Variants in ACAD8 observed in about 807,000 individuals in gnomAD.
The protein encoded by ACAD8 is isobutyryl-CoA dehydrogenase, mitochondrial.
Under a neutral mutation model 53.1 loss-of-function variants are expected in ACAD8, and 47 were observed. The ratio of observed to expected loss-of-function variants is 0.89; its 90% CI spans 0.70 to 1.13. ACAD8 has a LOEUF of 1.13. Ranked by LOEUF, ACAD8 falls within the 50% of genes most tolerant of loss-of-function variation. ACAD8 has a pLI of 0.00. For synonymous variants in ACAD8, 198 were observed against 201.3 expected (o/e 0.98, Z 0.14); for missense variants, 494 against 535.0 (o/e 0.92, Z 0.76).
At chr11:134,262,662 G>T in intron 10 of ACAD8, 40 bp downstream of exon 10, 1 of 1,585,576 alleles carries the variant, frequency 6.3e-7, no homozygotes, top group Admixed American at 1.7e-5. Context: ...CTTCAGAACG[G>T]GGGCGGGATC....
chr11:134,263,522 C>T, intron 10 of ACAD8: 1 of 985,546 alleles, frequency 1.0e-6, no homozygotes. Context: ...ACCCACCGCT[C>T]TGGTGTTAAT....
rs760104221 is a variant in ACAD8, at chr11:134,253,651, C to T, written c.51C>T (p.Pro17=). 7.5e-6 allele frequency: 12 copies of T among 1,595,218 alleles called. No homozygotes were observed. Among genetic ancestry groups the T allele is most frequent in the East Asian group, 4.6e-5 (2 of 43,790 alleles). ...TCGGGGCGCGCCTCGGCTGCCTGCC[C>T]GGCGGTCTCCGGGTCCTCGTCCAGA... is the stretch of plus-strand genomic sequence containing the variant. ...RRFGARLGCL[P]GGLRVLVQTG... The change falls in exon 1 of 11, where the codon CCC becomes CCT. Residue 17 remains proline (P), a synonymous_variant. Coordinates refer to ENST00000281182, the MANE Select transcript of ACAD8 (RefSeq NM_014384.3).
intron 9 of ACAD8, 80 bp from the exon 10 acceptor site, chr11:134,262,440 G>A (rs73603086): frequency 1.4e-5 from 13 of 936,832 alleles, no homozygotes; most frequent in Non-Finnish European, 2.2e-5. Flanking sequence ...CTGCCAGATC[G>A]TGGGCTGGGG....
chr11:134,258,278 A>G, intron 3 of ACAD8: 1 of 576,040 alleles, frequency 1.7e-6, no homozygotes, highest in East Asian at 3.0e-5. Context: ...GAAGTAGTAC[A>G]AACGTGCTGG....
intron 10 of ACAD8, 117 bp from the exon 11 acceptor site, chr11:134,264,790 TG>T: frequency 1.1e-6 from 1 of 870,824 alleles, no homozygotes; most frequent in East Asian, 2.4e-5. Context: ...CTAAAAGCAA[TG>T]ATTGTAGTTT....
At chr11:134,264,860 C>T (rs774209828) in intron 10 of ACAD8, 48 bp from the exon 11 acceptor site, 1 of 1,573,180 alleles carries the variant, frequency 6.4e-7, no homozygotes, top group African/African-American at 1.4e-5. Flanking sequence ...TTACTAAACT[C>T]TCAGACTTTG....
At chr11:134,255,218 C>G (rs1013777817) in intron 1 of ACAD8, among the ~76,000 whole-genome samples, 2 of 152,204 alleles carry the variant, frequency 1.3e-5, no homozygotes, top group East Asian at 1.9e-4. Flanking sequence ...CTCACCGCAA[C>G]CTCTGCCCCA....
intron 9 of ACAD8, chr11:134,262,239 C>T (rs1284995070): frequency 7.7e-6 from 5 of 650,064 alleles, no homozygotes; most frequent in Non-Finnish European, 1.4e-5. Flanking sequence ...TTTTTATCAT[C>T]CCAGCCAGGG....
rs1187959350 is a variant in ACAD8 at position 134,262,636 on chromosome 11, G to A, written c.1195+14G>A. On this transcript the variant is annotated intron_variant, in intron 10 of 10. Coordinates refer to ENST00000281182, the MANE Select transcript of ACAD8 (RefSeq NM_014384.3). ...AGATTCTAGAAGGTAAAAATTGCCA[G>A]AGGTTATTCTCTTCCCTTCAGAACG... 1.2e-6 allele frequency: 2 copies of A among 1,609,098 alleles called. No individual in the cohort carries two copies. The highest frequency in any genetic ancestry group is 3.3e-5 in the Admixed American group (2 of 59,842).
At chr11:134,258,742 TG>T in intron 4 of ACAD8, 118 bp downstream of exon 4, 1 of 841,736 alleles carries the variant, frequency 1.2e-6, no homozygotes. Context: ...TCTAGCTGTT[TG>T]GTTGAGGAGT....
At chr11:134,263,897 G>C in intron 10 of ACAD8, 6 of 985,370 alleles carry the variant, frequency 6.1e-6, no homozygotes, top group Non-Finnish European at 7.2e-6. Flanking sequence ...CTGATTCCTC[G>C]AGGGGGTTTA....
rs773472208 is a variant in ACAD8, at chr11:134,257,163, G to A, written c.286G>A (p.Gly96Ser). The change falls in exon 3 of 11, where the codon GGC becomes AGC. Residue 96 changes from glycine (G) to serine (S), a missense_variant. By Grantham distance (56) the Gly-to-Ser change is moderately conservative. Transcript: ENST00000281182. ...FGGVYIQTDV[G>S]GSGLSRLDTS... ...AGGGGTCTACATACAAACAGATGTG[G>A]GCGGGTCTGGGCTGTCACGTCTTGA... is the stretch of plus-strand genomic sequence containing the variant. 24 of 1,614,050 alleles carry A rather than the reference G, an allele frequency of 1.5e-5. No homozygotes were observed. In the East Asian group the frequency reaches 4.9e-4, roughly 33 times the overall value.
At position 134,264,892 on chromosome 11, in the gene ACAD8, T is replaced by G. The variant is rs1940099741; in HGVS notation, c.1196-16T>G. ...TTTGCTGCTGTGAAATTCTTCCTCC[T>G]TCCTCCCTCTTACAGGTAGCAATGA... On this transcript the variant is annotated splice_polypyrimidine_tract_variant and intron_variant, in intron 10 of 10. Transcript: ENST00000281182. The G allele has an allele frequency of 6.2e-7, 1 of 1,613,486 alleles. No individual in the cohort carries two copies. The highest frequency in any genetic ancestry group is 1.1e-5 in the South Asian group (1 of 91,080).
At position 134,265,226 on chromosome 11, in the gene ACAD8, T is replaced by A. The variant is rs762508631; in HGVS notation, c.*266T>A. 57 of 538,334 alleles carry A rather than the reference T, an allele frequency of 1.1e-4. No individual in the cohort carries two copies. Among genetic ancestry groups the A allele is most frequent in the Non-Finnish European group, 1.7e-4 (51 of 303,042 alleles). The allele number at this position is 538,334 out of a possible 1,614,324, so 33.3% of individuals were successfully genotyped here. A position where few individuals can be genotyped will look rare whatever the true frequency, so the allele number is the denominator to read the frequency against. Reference sequence around the variant, plus strand: ...TTCCTAATGCCAGAAGGGTGACCAGTGAAGATTCACCGTCAAACCATGAAA... The same window carrying A: ...TTCCTAATGCCAGAAGGGTGACCAGAGAAGATTCACCGTCAAACCATGAAA... On this transcript the variant is annotated 3_prime_UTR_variant, in exon 11 of 11. Coordinates refer to ENST00000281182, the MANE Select transcript of ACAD8 (RefSeq NM_014384.3).
Position 134,256,901 on chromosome 11 carries a change from C to T in ACAD8, c.211-187C>T, listed in dbSNP as rs374444468. On this transcript the variant is annotated intron_variant, in intron 2 of 10. Transcript: ENST00000281182. ...TTCTATAGATAATAAAAAGAAACTT[C>T]TTAATGCCAGAACAAGTTTTTACAG... 19 of 691,786 alleles carry T rather than the reference C, an allele frequency of 2.7e-5. No individual in the cohort carries two copies. The East Asian group carries it at 3.8e-4, about 14-fold the overall frequency. The allele number at this position is 691,786 out of a possible 1,614,324, so 42.9% of individuals were successfully genotyped here.
intron 10 of ACAD8, chr11:134,263,150 A>T: frequency 9.3e-7 from 1 of 1,078,884 alleles, no homozygotes. Flanking sequence ...GAAACATGGA[A>T]GCCGTTGGGG....
At chr11:134,253,775 G>A in intron 1 of ACAD8, 66 bp downstream of exon 1, 2 of 1,450,822 alleles carry the variant, frequency 1.4e-6, no homozygotes, top group East Asian at 2.5e-5. Flanking sequence ...GTCCGCGAGG[G>A]GCTGCAGTCT....
chr11:134,262,843 G>A (rs915132470), intron 10 of ACAD8: 1 of 1,434,072 alleles, frequency 7.0e-7, no homozygotes. Context: ...TCGCTCTGCT[G>A]CTGCCCTTTT....
Position 134,261,231 on chromosome 11 carries a change from C to G in ACAD8, c.842-44C>G, listed in dbSNP as rs1338672503. The G allele has an allele frequency of 6.2e-7, 1 of 1,614,154 alleles. No homozygotes were observed. The highest frequency in any genetic ancestry group is 1.7e-5 in the Admixed American group (1 of 60,028). Reference sequence around the variant, plus strand: ...AGGTAGCGGTCCGGGACAGGCACTGCTGTTTTCCAGCTTGGTTGGAACGTC... The same window carrying G: ...AGGTAGCGGTCCGGGACAGGCACTGGTGTTTTCCAGCTTGGTTGGAACGTC... On this transcript the variant is annotated intron_variant, in intron 7 of 10. Transcript: ENST00000281182. This position sits in a 1 kb window ranked among gnomAD's most constrained non-coding sequence, Gnocchi z 4.2.
Sources: allele counts gnomAD v4.1 joint callset (sites outside exome capture counted in the v4.1 genomes callset), GRCh38; gene constraint gnomAD v4.1.1; non-coding constraint Gnocchi (gnomAD v3.1); transcripts MANE v1.5; gene names NCBI Gene and HGNC (gene_info 2026-07-23, HGNC 2026-07-21).